Variants in RBFOX1 observed in about 807,000 individuals in gnomAD.
RBFOX1 encodes RNA binding fox-1 homolog 1.
Under a neutral mutation model 57.7 loss-of-function variants are expected in RBFOX1, and 8 were observed. The observed-to-expected ratio is 0.14, with a 90% confidence interval of 0.08 to 0.25. The LOEUF (loss-of-function observed/expected upper bound fraction) is 0.25, where lower values mean the gene tolerates loss of function less well. RBFOX1 is among the 10% of genes least tolerant of loss of function. RBFOX1 has a pLI of 1.00. For synonymous variants in RBFOX1, 326 were observed against 222.4 expected (o/e 1.47, Z -4.15); for missense variants, 611 against 548.5 (o/e 1.11, Z -1.14).
chr16:7,400,545 G>A (rs4786151), intron 4 of RBFOX1, among the ~76,000 whole-genome samples: 100,245 of 152,014 alleles, frequency 0.66, 33,324 homozygotes, highest in Admixed American at 0.73. Context: ...ATTCCTTTCC[G>A]GATTCTTCAA....
intron 1 of RBFOX1, among the ~76,000 whole-genome samples, chr16:6,070,517 A>T (rs866610832): frequency 6.6e-5 from 10 of 152,236 alleles, no homozygotes; most frequent in African/African-American, 2.4e-4. Context: ...GTCTGACAAG[A>T]AGTCACTCTT....
At chr16:6,181,770 G>A (rs2097065018) in intron 1 of RBFOX1, among the ~76,000 whole-genome samples, 1 of 152,096 alleles carries the variant, frequency 6.6e-6, no homozygotes, top group Admixed American at 6.6e-5. Flanking sequence ...AACATTATGT[G>A]CATGCAGTTG....
At chr16:6,977,727 GAGGA>G (rs956128453) in intron 3 of RBFOX1, among the ~76,000 whole-genome samples, 5 of 152,050 alleles carry the variant, frequency 3.3e-5, no homozygotes, top group African/African-American at 1.2e-4. Flanking sequence ...ATTGTGGGTG[GAGGA>G]AGGCTGAATA....
chr16:6,244,059 G>A (rs1026766719), intron 1 of RBFOX1, among the ~76,000 whole-genome samples: 1 of 152,056 alleles, frequency 6.6e-6, no homozygotes, highest in African/African-American at 2.4e-5. Context: ...CTCATTTAGG[G>A]AGTTGTATTT....
chr16:7,125,468 C>G (rs12446349), intron 4 of RBFOX1, among the ~76,000 whole-genome samples: 81,034 of 152,014 alleles, frequency 0.53, 22,536 homozygotes, highest in East Asian at 0.77. Context: ...AATTTCAAAC[C>G]TGTCGGATGC....
rs17143930 is a variant in RBFOX1, at chr16:7,518,245, G to A, written c.126G>A (p.Thr42=). 10,369 of 1,613,922 alleles carry A rather than the reference G, an allele frequency of 6.4e-3. 616 individuals carry two copies. The African/African-American group carries it at 0.12, about 19-fold the overall frequency. ...PPQNGIPAEY[T]APHPHPAPEY... is the part of the protein sequence containing the mutation. ...AGAACGGTATCCCCGCGGAATACAC[G>A]GCCCCTCATCCCCACCCCGCGCCAG... Residue 42 remains threonine, a synonymous_variant, in exon 5 of 16, where the codon ACG becomes ACA. Coordinates refer to ENST00000550418, the MANE Select transcript of RBFOX1 (RefSeq NM_018723.4).
intron 14 of RBFOX1, among the ~76,000 whole-genome samples, chr16:7,690,391 C>T (rs1345598273): frequency 6.6e-6 from 1 of 152,124 alleles, no homozygotes; most frequent in East Asian, 1.9e-4. Flanking sequence ...AATTGGTCTT[C>T]AGTGTAGCTT....
chr16:7,616,276 A>G (rs2141786181), intron 10 of RBFOX1, among the ~76,000 whole-genome samples: 1 of 152,370 alleles, frequency 6.6e-6, no homozygotes, highest in East Asian at 1.9e-4. Flanking sequence ...AAAAGCTTCC[A>G]GGTGTCCTCT....
At chr16:6,701,615 C>G (rs1161967740) in intron 3 of RBFOX1, among the ~76,000 whole-genome samples, 1 of 152,032 alleles carries the variant, frequency 6.6e-6, no homozygotes, top group Non-Finnish European at 1.5e-5. Context: ...AGGTGCCAGG[C>G]TCTTTATAAA....
chr16:7,483,703 G>A (rs1440749048), intron 4 of RBFOX1, among the ~76,000 whole-genome samples: 3 of 152,132 alleles, frequency 2.0e-5, no homozygotes, highest in Admixed American at 2.0e-4. Flanking sequence ...TCCAGAGTTG[G>A]GTATAAGTTC....
chr16:6,028,681 T>TA (rs1047904309), intron 1 of RBFOX1, among the ~76,000 whole-genome samples: 13 of 151,132 alleles, frequency 8.6e-5, no homozygotes, highest in South Asian at 4.2e-4. Context: ...ACCCTATCTG[T>TA]AAAAAAAAAG....
intron 2 of RBFOX1, among the ~76,000 whole-genome samples, chr16:6,542,483 C>CTTTGTTTTTTTTTTT (rs2096835062): frequency 3.6e-5 from 2 of 55,720 alleles, no homozygotes; most frequent in African/African-American, 7.6e-5. Context: ...GGACCATAGT[C>CTTTGTTTTTTTTTTT]TTTTTTTTTT....
intron 1 of RBFOX1, among the ~76,000 whole-genome samples, chr16:5,283,531 C>A (rs970651864): frequency 1.3e-5 from 2 of 152,116 alleles, no homozygotes; most frequent in African/African-American, 4.8e-5. Flanking sequence ...GAGCTGTGGC[C>A]TTTATTCTCC....
intron 1 of RBFOX1, chr16:6,092,978 G>A (rs1308638872): frequency 1.3e-5 from 2 of 152,158 alleles, no homozygotes; most frequent in Non-Finnish European, 2.9e-5. Context: ...TTTATCACCT[G>A]GGTGACAGAA....
At chr16:7,010,483 C>T (rs1410781905) in intron 3 of RBFOX1, among the ~76,000 whole-genome samples, 1 of 151,856 alleles carries the variant, frequency 6.6e-6, no homozygotes, top group African/African-American at 2.4e-5. Context: ...CTCTGGTGGC[C>T]AGTGAAGGAG....
intron 14 of RBFOX1, among the ~76,000 whole-genome samples, chr16:7,694,377 G>A (rs891104746): frequency 3.9e-5 from 6 of 152,150 alleles, no homozygotes; most frequent in Non-Finnish European, 5.9e-5. Context: ...ACTGCCTTTG[G>A]TGAGAATGAA....
chr16:5,465,647 G>C (rs76948402), intron 1 of RBFOX1, among the ~76,000 whole-genome samples: 1 of 152,170 alleles, frequency 6.6e-6, no homozygotes, highest in Non-Finnish European at 1.5e-5. Context: ...GCCCATGTTC[G>C]TTGTTAATTT....
chr16:7,205,825 A>G (rs2089850795), intron 4 of RBFOX1, among the ~76,000 whole-genome samples: 1 of 152,262 alleles, frequency 6.6e-6, no homozygotes, highest in African/African-American at 2.4e-5. Context: ...TACCACTGAG[A>G]GAACTGTGTG....
At chr16:7,608,730 C>A (rs902982657) in intron 10 of RBFOX1, among the ~76,000 whole-genome samples, 1 of 152,174 alleles carries the variant, frequency 6.6e-6, no homozygotes, top group African/African-American at 2.4e-5. Flanking sequence ...ATGATAGTAA[C>A]AAACTCATAG....
Sources: allele counts gnomAD v4.1 joint callset (sites outside exome capture counted in the v4.1 genomes callset), GRCh38; gene constraint gnomAD v4.1.1; transcripts MANE v1.5; gene names NCBI Gene and HGNC (gene_info 2026-07-23, HGNC 2026-07-21).